The following BACH2 variants were observed in gnomAD, a reference collection of about 807,000 sequenced individuals.
The protein encoded by BACH2 is BACH transcriptional regulator 2, also known as transcription regulator protein BACH2.
BACH2 carries 5 observed loss-of-function variants against 61.8 expected under a neutral mutation model. The ratio of observed to expected loss-of-function variants is 0.08; its 90% CI spans 0.04 to 0.17. BACH2 has a LOEUF of 0.17. Ranked by LOEUF, BACH2 falls within the 10% of genes least tolerant of loss-of-function variation. The probability of loss-of-function intolerance (pLI) is 1.00; values close to 1 mark genes in which losing one functional copy is unlikely to be tolerated. For synonymous variants in BACH2, 446 were observed against 440.1 expected (o/e 1.01, Z -0.17); for missense variants, 824 against 1,091.1 (o/e 0.76, Z 3.45).
intron 6 of BACH2, among the ~76,000 whole-genome samples, chr6:89,981,124 C>A (rs80282109): frequency 6.7e-6 from 1 of 148,688 alleles, no homozygotes. Flanking sequence ...TAGGGTTCAT[C>A]GTGATTCGCT....
chr6:90,101,204 T>G (rs767277014), intron 4 of BACH2, among the ~76,000 whole-genome samples: 19 of 152,242 alleles, frequency 1.2e-4, no homozygotes, highest in Non-Finnish European at 2.2e-4. Context: ...CTTTTCACTT[T>G]CTTAATGGTT....
chr6:90,119,529 C>G (rs1783539448), intron 4 of BACH2, among the ~76,000 whole-genome samples: 1 of 151,944 alleles, frequency 6.6e-6, no homozygotes, highest in Non-Finnish European at 1.5e-5. Context: ...AACTTAAAAG[C>G]CTGAAATTTG....
At position 89,950,205 on chromosome 6, in the gene BACH2, G is replaced by T; in HGVS notation, c.1836+65C>A. 2 of 1,563,060 alleles carry T rather than the reference G, an allele frequency of 1.3e-6. No homozygotes were observed. Among genetic ancestry groups the T allele is most frequent in the South Asian group, 1.1e-5 (1 of 89,616 alleles). Reference sequence around the variant, plus strand: ...AACAATGTGGGAGTGGTGGGGGGCAGGGAGTAGTCCAGATAAAGGGCCTAG... The same window carrying T: ...AACAATGTGGGAGTGGTGGGGGGCATGGAGTAGTCCAGATAAAGGGCCTAG... On this transcript the variant is annotated intron_variant, in intron 7 of 8. Transcript: ENST00000257749. The surrounding 1 kb of genome is among the most constrained non-coding windows in gnomAD (Gnocchi z 5.3).
Position 90,012,521 on chromosome 6 carries a change from T to C in BACH2, c.-12-3665A>G, listed in dbSNP as rs1269542952. Among the ~76,000 whole-genome samples, 5 of 151,788 alleles carry C rather than the reference T, an allele frequency of 3.3e-5. No homozygotes were observed. The East Asian group carries it at 9.9e-4, about 30-fold the overall frequency. ...AGCGTGTGCCTGTAATCCCAGCTAC[T>C]TGGGAGGCTGAGGCAGGAGATTGTG... On this transcript the variant is annotated intron_variant, in intron 5 of 8. Transcript: ENST00000257749.
intron 3 of BACH2, among the ~76,000 whole-genome samples, chr6:90,242,225 C>G (rs1770479102): frequency 6.6e-6 from 1 of 152,152 alleles, no homozygotes; most frequent in South Asian, 2.1e-4. Flanking sequence ...CCCTTAAAAT[C>G]CACTGTGCTC....
At chr6:90,234,431 C>G (rs1582515873) in intron 3 of BACH2, among the ~76,000 whole-genome samples, 1 of 152,150 alleles carries the variant, frequency 6.6e-6, no homozygotes, top group African/African-American at 2.4e-5. Context: ...TGATCAAGAA[C>G]CAGAATTTCC....
At chr6:90,137,457 A>T (rs1025485402) in intron 4 of BACH2, among the ~76,000 whole-genome samples, 3 of 152,162 alleles carry the variant, frequency 2.0e-5, no homozygotes, top group Non-Finnish European at 4.4e-5. Context: ...GAACATCAAA[A>T]ATTAGGGTGG....
At chr6:90,155,630 C>T (rs548696170) in intron 4 of BACH2, among the ~76,000 whole-genome samples, 1 of 152,214 alleles carries the variant, frequency 6.6e-6, no homozygotes, top group East Asian at 1.9e-4. Context: ...ATATAGGAGG[C>T]CTACAACAAG....
intron 5 of BACH2, among the ~76,000 whole-genome samples, chr6:90,015,988 T>G (rs1321365846): frequency 6.6e-6 from 1 of 152,202 alleles, no homozygotes; most frequent in Non-Finnish European, 1.5e-5. Context: ...TTTCTTGTAG[T>G]ATTTATTCCT....
intron 7 of BACH2, among the ~76,000 whole-genome samples, chr6:89,946,807 G>A (rs1012209560): frequency 6.6e-6 from 1 of 152,138 alleles, no homozygotes; most frequent in Non-Finnish European, 1.5e-5. Context: ...GTTTGGGGCT[G>A]GGTATGCTGT....
intron 3 of BACH2, among the ~76,000 whole-genome samples, chr6:90,227,291 G>A (rs1320864238): frequency 6.6e-6 from 1 of 152,150 alleles, no homozygotes; most frequent in Non-Finnish European, 1.5e-5. Flanking sequence ...TGATCCCTCG[G>A]GCGGTATACC....
At chr6:90,021,476 C>T (rs374116531) in intron 5 of BACH2, among the ~76,000 whole-genome samples, 15 of 152,298 alleles carry the variant, frequency 9.8e-5, no homozygotes, top group African/African-American at 3.4e-4. Context: ...AACCATTTCA[C>T]TTGAAATTCA....
At chr6:90,270,416 G>A (rs752328479) in intron 2 of BACH2, among the ~76,000 whole-genome samples, 8 of 152,046 alleles carry the variant, frequency 5.3e-5, no homozygotes, top group African/African-American at 9.7e-5. Context: ...CAGTAGCACT[G>A]CTATACACCA....
chr6:90,193,692 G>A (rs1768655743), intron 4 of BACH2, among the ~76,000 whole-genome samples: 1 of 152,204 alleles, frequency 6.6e-6, no homozygotes, highest in Admixed American at 6.5e-5. Flanking sequence ...CCACTGGGCT[G>A]AGAGCTGAGC....
chr6:90,189,960 T>A (rs1051855153), intron 4 of BACH2, among the ~76,000 whole-genome samples: 1 of 152,008 alleles, frequency 6.6e-6, no homozygotes, highest in Non-Finnish European at 1.5e-5. Flanking sequence ...ATTTTTTTTT[T>A]AAAGATGGAG....
At chr6:90,255,377 C>T (rs1770944273) in intron 2 of BACH2, among the ~76,000 whole-genome samples, 1 of 152,134 alleles carries the variant, frequency 6.6e-6, no homozygotes, top group Non-Finnish European at 1.5e-5. Flanking sequence ...AGTTTTAAAT[C>T]TAGTAGGTGA....
chr6:90,000,439 G>A (rs1777075995), intron 6 of BACH2, among the ~76,000 whole-genome samples: 1 of 152,142 alleles, frequency 6.6e-6, no homozygotes, highest in East Asian at 1.9e-4. Flanking sequence ...ACGCAACTTG[G>A]AAAATTGCAC....
intron 4 of BACH2, among the ~76,000 whole-genome samples, chr6:90,114,140 G>A (rs1783295024): frequency 6.6e-6 from 1 of 152,076 alleles, no homozygotes; most frequent in Non-Finnish European, 1.5e-5. Context: ...AAAATTAGGA[G>A]AGGAAATGTC....
At chr6:90,172,060 C>A (rs1767832149) in intron 4 of BACH2, among the ~76,000 whole-genome samples, 1 of 152,100 alleles carries the variant, frequency 6.6e-6, no homozygotes, top group Non-Finnish European at 1.5e-5. Context: ...GTAATTCCAG[C>A]ACTTTGGGAG....
Sources: gnomAD v4.1 joint callset for allele counts (sites outside exome capture counted in the v4.1 genomes callset) on GRCh38, gnomAD v4.1.1 for gene constraint, Gnocchi (gnomAD v3.1) non-coding constraint, MANE v1.5 for transcripts, NCBI Gene and HGNC (gene_info 2026-07-23, HGNC 2026-07-21) for gene names.